RBMS3: variants seen among roughly 807,000 people sequenced by gnomAD.
RBMS3 encodes the protein RNA-binding motif, single-stranded-interacting protein 3.
In RBMS3, 27 loss-of-function variants were observed where a neutral mutation model predicts 66.8. The ratio of observed to expected loss-of-function variants is 0.40; its 90% confidence interval spans 0.30 to 0.56. RBMS3 has a LOEUF of 0.56. Among genes scored for constraint, RBMS3 ranks in the 20% least tolerant of loss-of-function variants. The pLI is 0.40. For synonymous variants in RBMS3, 188 were observed against 183.0 expected, an observed-to-expected ratio of 1.03 and a Z score of -0.22; for missense variants, 513 against 549.5, an observed-to-expected ratio of 0.93 and a Z score of 0.66.
chr3:29,383,503 G>A (rs1367078239), intron 1 of RBMS3, among the ~76,000 whole-genome samples: 3 of 151,964 alleles, frequency 2.0e-5, no homozygotes, highest in Admixed American at 2.0e-4. Context: ...TGCCAAGAAG[G>A]GTAAAAAAAA....
intron 4 of RBMS3, among the ~76,000 whole-genome samples, chr3:29,647,996 C>T (rs748377898): frequency 3.9e-5 from 6 of 152,056 alleles, no homozygotes; most frequent in Non-Finnish European, 7.4e-5. Flanking sequence ...TCATGTTCTG[C>T]AAAATCATGC....
intron 2 of RBMS3, among the ~76,000 whole-genome samples, chr3:29,476,054 G>A (rs1380806309): frequency 3.3e-5 from 5 of 152,088 alleles, no homozygotes; most frequent in Admixed American, 6.5e-5. Flanking sequence ...CTGACTCCCT[G>A]TGGAATGAAA....
chr3:29,598,066 A>T (rs2048018293), intron 4 of RBMS3, among the ~76,000 whole-genome samples: 1 of 152,144 alleles, frequency 6.6e-6, no homozygotes, highest in Admixed American at 6.6e-5. Context: ...ACACTCCATG[A>T]GAAGAATGAC....
chr3:29,377,192 G>GTCACTTTA (rs564825021), intron 1 of RBMS3, among the ~76,000 whole-genome samples: 524 of 152,184 alleles, frequency 3.4e-3, no homozygotes, highest in Middle Eastern at 6.8e-3. Context: ...CTTCTTTAGT[G>GTCACTTTA]GCTCCACTTC....
At chr3:29,634,260 G>C (rs1226850591) in intron 4 of RBMS3, among the ~76,000 whole-genome samples, 1 of 151,850 alleles carries the variant, frequency 6.6e-6, no homozygotes, top group African/African-American at 2.4e-5. Flanking sequence ...TTCATATGCA[G>C]AAACATACTA....
chr3:29,745,960 A>G (rs540522356), intron 5 of RBMS3, among the ~76,000 whole-genome samples: 5 of 151,920 alleles, frequency 3.3e-5, no homozygotes, highest in Admixed American at 3.3e-4. Flanking sequence ...ATCAATCAGT[A>G]TAAATAGCAG....
At chr3:29,464,000 G>A (rs1008596269) in intron 2 of RBMS3, among the ~76,000 whole-genome samples, 2 of 151,988 alleles carry the variant, frequency 1.3e-5, no homozygotes, top group African/African-American at 4.8e-5. Context: ...TTAGTGAAAC[G>A]TGGACCAATG....
In RBMS3 at chr3:30,006,475, T is replaced by C. The variant is rs1461599159; in HGVS notation, c.*2613T>C. 1 of 151,940 alleles carries C rather than the reference T, an allele frequency of 6.6e-6. No homozygotes were observed. Among genetic ancestry groups the C allele is most frequent in the African/African-American group, 2.4e-5 (1 of 41,414 alleles). 9.4% of individuals were successfully genotyped at this position (151,940 alleles called of 1,614,324 possible). On this transcript the variant is annotated 3_prime_UTR_variant, in exon 15 of 15. Coordinates refer to ENST00000383767, the MANE Select transcript of RBMS3 (RefSeq NM_001003793.3). Reference sequence around the variant, plus strand: ...TCACACTCACCATTATGGTTTTTCATGCTTTAGAGAAAATGCTAGATTTAT... The same window carrying C: ...TCACACTCACCATTATGGTTTTTCACGCTTTAGAGAAAATGCTAGATTTAT...
At chr3:29,966,721 G>T (rs1267233967) in intron 12 of RBMS3, among the ~76,000 whole-genome samples, 1 of 152,122 alleles carries the variant, frequency 6.6e-6, no homozygotes, top group Admixed American at 6.6e-5. Context: ...AGGACTTCCA[G>T]TACTATGTTA....
chr3:29,660,276 A>G (rs73052437), intron 4 of RBMS3, among the ~76,000 whole-genome samples: 18,533 of 152,140 alleles, frequency 0.12, 1,217 homozygotes, highest in Middle Eastern at 0.23. Context: ...TTGCTATATT[A>G]AAATTTTAGT....
At chr3:29,652,423 T>G (rs910558054) in intron 4 of RBMS3, among the ~76,000 whole-genome samples, 4 of 152,092 alleles carry the variant, frequency 2.6e-5, no homozygotes, top group Non-Finnish European at 4.4e-5. Flanking sequence ...CACTGAATAT[T>G]AGATAAGAAA....
chr3:29,815,283 C>G (rs1261745776), intron 6 of RBMS3, among the ~76,000 whole-genome samples: 2 of 152,150 alleles, frequency 1.3e-5, no homozygotes, highest in Non-Finnish European at 1.5e-5. Flanking sequence ...CACCCAAAAC[C>G]TTAGATATCA....
At chr3:29,811,653 C>T (rs1384886773) in intron 6 of RBMS3, among the ~76,000 whole-genome samples, 4 of 152,108 alleles carry the variant, frequency 2.6e-5, no homozygotes, top group African/African-American at 4.8e-5. Flanking sequence ...TTTTTCTCTC[C>T]TGCTAAATTA....
intron 1 of RBMS3, among the ~76,000 whole-genome samples, chr3:29,321,855 T>G (rs1398529724): frequency 6.6e-6 from 1 of 152,138 alleles, no homozygotes; most frequent in Non-Finnish European, 1.5e-5. Context: ...CCTCTCTGAG[T>G]GCTGTGCATG....
At chr3:29,850,330 C>G (rs1182408234) in intron 6 of RBMS3, among the ~76,000 whole-genome samples, 1 of 152,140 alleles carries the variant, frequency 6.6e-6, no homozygotes, top group Admixed American at 6.5e-5. Flanking sequence ...CTTGATGAGA[C>G]AGGACCATGA....
At chr3:29,425,057 G>T (rs2040889848) in intron 1 of RBMS3, among the ~76,000 whole-genome samples, 1 of 151,722 alleles carries the variant, frequency 6.6e-6, no homozygotes. Flanking sequence ...AAAAAAGCTA[G>T]GGGAGGCCAA....
At chr3:29,402,625 T>G (rs1325558192) in intron 1 of RBMS3, among the ~76,000 whole-genome samples, 1 of 152,190 alleles carries the variant, frequency 6.6e-6, no homozygotes, top group East Asian at 1.9e-4. Flanking sequence ...TTAAGACATA[T>G]TCTTGATTAG....
At chr3:29,372,709 CT>C (rs2038268340) in intron 1 of RBMS3, among the ~76,000 whole-genome samples, 1 of 151,796 alleles carries the variant, frequency 6.6e-6, no homozygotes, top group Non-Finnish European at 1.5e-5. Context: ...GCACATCTTT[CT>C]TGTGTGATGG....
intron 1 of RBMS3, among the ~76,000 whole-genome samples, chr3:29,408,450 C>T (rs1407262579): frequency 6.6e-6 from 1 of 151,980 alleles, no homozygotes; most frequent in East Asian, 1.9e-4. Flanking sequence ...ATACCATAAG[C>T]ACTATAAAAG....
Sources: gnomAD v4.1 joint callset for allele counts (sites outside exome capture counted in the v4.1 genomes callset) on GRCh38, gnomAD v4.1.1 for gene constraint, MANE v1.5 for transcripts, NCBI Gene and HGNC (gene_info 2026-07-23, HGNC 2026-07-21) for gene names.